The following ANXA4 variants were observed in gnomAD, a reference collection of about 807,000 sequenced individuals.
ANXA4 encodes annexin A4.
Under a neutral mutation model 49.8 loss-of-function variants are expected in ANXA4, and 39 were observed. The observed-to-expected ratio is 0.78, with a 90% confidence interval of 0.61 to 1.02. The LOEUF is 1.02. ANXA4 is among the 50% of genes least tolerant of loss of function. The probability of loss-of-function intolerance (pLI) is 0.00; values close to 1 mark genes in which losing one functional copy is unlikely to be tolerated. For missense variants in ANXA4, 360 were observed against 410.1 expected, an observed-to-expected ratio of 0.88 and a Z score of 1.05; for synonymous variants, 134 against 152.5, an observed-to-expected ratio of 0.88 and a Z score of 0.89.
At chr2:69,754,474 C>A (rs1288668141) in intron 1 of ANXA4, among the ~76,000 whole-genome samples, 1 of 152,180 alleles carries the variant, frequency 6.6e-6, no homozygotes, top group African/African-American at 2.4e-5. Flanking sequence ...GTTACCCAGA[C>A]TGGCCTCAAA....
chr2:69,694,429 A>T (rs1161710216), intron 2 of ANXA4, among the ~76,000 whole-genome samples: 2 of 150,922 alleles, frequency 1.3e-5, no homozygotes, highest in African/African-American at 2.4e-5. Context: ...GGTTTGTTAC[A>T]TATGTATACC....
At position 69,824,177 on chromosome 2, in the gene ANXA4, C is replaced by T. The variant is rs139096836; in HGVS notation, c.907-1279C>T. On this transcript the variant is annotated intron_variant, in intron 12 of 12. Transcript: ENST00000394295. ...ATATGCAGAAATTATAGAACCTTTC[C>T]GGAAGACTGTTTTGTAACCCATATC... Among the ~76,000 whole-genome samples the T allele has an allele frequency of 5.2e-3, 784 of 151,990 alleles. 10 individuals are homozygous for T. The highest frequency in any genetic ancestry group is 0.018 in the African/African-American group (737 of 41,470).
At chr2:69,808,101 G>C in intron 6 of ANXA4, 105 bp downstream of exon 6, 1 of 1,060,994 alleles carries the variant, frequency 9.4e-7, no homozygotes, top group East Asian at 2.5e-5. Flanking sequence ...AGAACGCTGA[G>C]CATGAGGGAT....
intron 3 of ANXA4, among the ~76,000 whole-genome samples, chr2:69,802,607 A>T (rs190581339): frequency 7.3e-4 from 111 of 151,684 alleles, no homozygotes; most frequent in Middle Eastern, 3.4e-3. Context: ...GCTACTGGGG[A>T]GGCTGAGGCA....
Position 69,812,668 on chromosome 2 carries a change from G to A in ANXA4, c.493G>A (p.Gly165Arg). The A allele has an allele frequency of 1.9e-6, 3 of 1,614,048 alleles. No individual in the cohort carries two copies. Among genetic ancestry groups the A allele is most frequent in the Non-Finnish European group, 2.5e-6 (3 of 1,179,934 alleles). ...TCATCCTCAGGGTGGGAGGGATGAA[G>A]GAAATTATCTGGACGATGCTCTCGT... ...VSLSAGGRDEGNYLDDALVRQ... is the reference protein window; with the variant it reads ...VSLSAGGRDERNYLDDALVRQ... Residue 165 changes from glycine to arginine, a missense_variant, in exon 8 of 13, where the codon GGA becomes AGA. Transcript: ENST00000394295.
chr2:69,770,094 G>A (rs1373669972), intron 1 of ANXA4, among the ~76,000 whole-genome samples: 3 of 152,158 alleles, frequency 2.0e-5, no homozygotes, highest in African/African-American at 4.8e-5. Context: ...GGCTGGAATC[G>A]ATTCTTATTT....
chr2:69,665,530 G>A (rs1332175554), intron 2 of ANXA4, among the ~76,000 whole-genome samples: 4 of 152,066 alleles, frequency 2.6e-5, no homozygotes, highest in African/African-American at 9.7e-5. Flanking sequence ...CAGAATTGTG[G>A]GTGTTATTTT....
In ANXA4 at chr2:69,826,780, T is replaced by TAA. The variant is rs5831985; in HGVS notation, c.*1283_*1284dup. The TAA allele has an allele frequency of 3.3e-3, 411 of 123,152 alleles. 2 individuals carry two copies. The highest frequency in any genetic ancestry group is 8.8e-3 in the African/African-American group (292 of 33,302). 7.6% of individuals were successfully genotyped at this position (123,152 alleles called of 1,614,324 possible). ...CTGGGCGACAGAGCGAGAATCCATC[T>TAA]AAAAAAAAAAAAAAAAAAAGTGTCT... On this transcript the variant is annotated 3_prime_UTR_variant, in exon 13 of 13. Coordinates refer to ENST00000394295, the MANE Select transcript of ANXA4 (RefSeq NM_001153.5).
upstream of ANXA4, among the ~76,000 whole-genome samples, chr2:69,644,165 TCCCCCCC>T (rs55772602): frequency 9.5e-5 from 2 of 21,116 alleles, no homozygotes; most frequent in Non-Finnish European, 2.5e-4. Context: ...ACAACTAAGT[TCCCCCCC>T]CCCCCCCCCC....
rs902542683 is a variant in ANXA4 at position 69,669,170 on chromosome 2, C to G, written n.766+15888C>G. 1.2e-4 allele frequency among the ~76,000 whole-genome samples: 18 copies of G among 149,926 alleles called. No individual in the cohort carries two copies. In the Admixed American group the frequency reaches 1.2e-3, roughly 10 times the overall value. On this transcript the variant is annotated intron_variant and non_coding_transcript_variant, in intron 2 of 3. Transcript: ENST00000418066. ...ATTTTGGCCAGGCTGGTCTCAAACT[C>G]CTGACCTCAGGTGATCCACCCGCCT...
At chr2:69,651,830 C>CAA (rs1676256791) in intron 1 of ANXA4, among the ~76,000 whole-genome samples, 1 of 9,680 alleles carries the variant, frequency 1.0e-4, no homozygotes, top group African/African-American at 3.9e-4. Context: ...GGGGGGGGGG[C>CAA]GGGGAGACAG....
At chr2:69,825,066 CAAAAAAAA>C (rs10565929) in intron 12 of ANXA4, among the ~76,000 whole-genome samples, 1 of 52,874 alleles carries the variant, frequency 1.9e-5, no homozygotes, top group East Asian at 4.8e-4. Flanking sequence ...GACTCTGTCT[CAAAAAAAA>C]AAAAAAAAAA....
chr2:69,757,675 A>G (rs981598009), intron 1 of ANXA4, among the ~76,000 whole-genome samples: 2 of 151,136 alleles, frequency 1.3e-5, no homozygotes, highest in Non-Finnish European at 2.9e-5. Context: ...AGTACTGTCC[A>G]GGGCCGGGTG....
At chr2:69,719,534 G>A (rs1230287987) in intron 2 of ANXA4, among the ~76,000 whole-genome samples, 2 of 151,606 alleles carry the variant, frequency 1.3e-5, no homozygotes, top group Non-Finnish European at 2.9e-5. Context: ...CTGCCTCCCG[G>A]GTTTGAGTGA....
chr2:69,680,708 A>G (rs1186745492), intron 2 of ANXA4, among the ~76,000 whole-genome samples: 2 of 152,190 alleles, frequency 1.3e-5, no homozygotes, highest in East Asian at 1.9e-4. Flanking sequence ...AATTCTTACC[A>G]TGAAGGTATG....
At chr2:69,651,820 G>A (rs1394424143) in intron 1 of ANXA4, among the ~76,000 whole-genome samples, 1 of 39,228 alleles carries the variant, frequency 2.5e-5, no homozygotes, top group Non-Finnish European at 4.9e-5. Flanking sequence ...TTTTTTTTGG[G>A]GGGGGGGGGC....
chr2:69,759,855 C>T (rs762570246), intron 1 of ANXA4, among the ~76,000 whole-genome samples: 9 of 152,024 alleles, frequency 5.9e-5, no homozygotes, highest in South Asian at 2.1e-4. Flanking sequence ...TTTTTTGAGA[C>T]GGAGTCTGGC....
intron 2 of ANXA4, among the ~76,000 whole-genome samples, chr2:69,786,316 T>G (rs1672413361): frequency 6.6e-6 from 1 of 152,216 alleles, no homozygotes; most frequent in African/African-American, 2.4e-5. Flanking sequence ...CTGAGCTGTC[T>G]GTTCCTCTGT....
intron 2 of ANXA4, among the ~76,000 whole-genome samples, chr2:69,699,416 G>T (rs924554385): frequency 6.6e-6 from 1 of 152,120 alleles, no homozygotes; most frequent in Admixed American, 6.6e-5. Context: ...GAGGTGGGAG[G>T]ATCACTTGAG....
Sources: gnomAD v4.1 joint callset for allele counts (sites outside exome capture counted in the v4.1 genomes callset) on GRCh38, gnomAD v4.1.1 for gene constraint, MANE v1.5 for transcripts, NCBI Gene and HGNC (gene_info 2026-07-23, HGNC 2026-07-21) for gene names.